The following EPHB2 variants were observed in gnomAD, a reference collection of about 807,000 sequenced individuals.
EPHB2 encodes the protein ephrin type-B receptor 2.
Under a neutral mutation model 96.4 loss-of-function variants are expected in EPHB2, and 18 were observed. That is an observed-to-expected ratio of 0.19 (90% confidence interval 0.13 to 0.28). EPHB2 has a LOEUF of 0.28. EPHB2 is among the 10% of genes least tolerant of loss of function. EPHB2 has a pLI of 1.00. For missense variants in EPHB2, 989 were observed against 1,355.4 expected (o/e 0.73, Z 4.25); for synonymous variants, 506 against 534.1 (o/e 0.95, Z 0.72).
chr1:22,733,886 AT>A lies in EPHB2; in HGVS notation c.61+22846del, dbSNP rs1234164821. 6.6e-6 allele frequency among the ~76,000 whole-genome samples: 1 copy of A among 151,866 alleles called. No individual in the cohort carries two copies. Among genetic ancestry groups the A allele is most frequent in the Non-Finnish European group, 1.5e-5 (1 of 67,978 alleles). On this transcript the variant is annotated intron_variant, in intron 1 of 15. Coordinates refer to ENST00000374630, the MANE Select transcript of EPHB2 (RefSeq NM_017449.5). This position sits in a 1 kb window ranked among gnomAD's most constrained non-coding sequence, Gnocchi z 4.6. ...GGGACTGGATTCTTGACCTGGTATG[AT>A]TTGGTGGGGACGGAGCTAGAAGTTG...
intron 11 of EPHB2, 53 bp downstream of exon 11, chr1:22,907,010 G>C: frequency 6.4e-7 from 1 of 1,554,642 alleles, no homozygotes; most frequent in Non-Finnish European, 8.7e-7. Flanking sequence ...GAAAAGGAAC[G>C]ATGGACATAG....
intron 1 of EPHB2, among the ~76,000 whole-genome samples, chr1:22,771,699 GTT>G (rs1423077324): frequency 6.6e-6 from 1 of 152,206 alleles, no homozygotes; most frequent in African/African-American, 2.4e-5. Flanking sequence ...GGCAGGCATT[GTT>G]CCATGCACAC....
intron 3 of EPHB2, among the ~76,000 whole-genome samples, chr1:22,844,942 C>T (rs886886585): frequency 1.9e-4 from 29 of 152,008 alleles, no homozygotes; most frequent in African/African-American, 6.8e-4. Context: ...CCTGGCTCTG[C>T]CCACACCCGG....
chr1:22,841,167 C>T (rs984884258), intron 3 of EPHB2, among the ~76,000 whole-genome samples: 49 of 152,194 alleles, frequency 3.2e-4, no homozygotes, highest in Non-Finnish European at 5.6e-4. Flanking sequence ...AGCAGTGTGA[C>T]GGGCTCTAAT....
intron 5 of EPHB2, among the ~76,000 whole-genome samples, chr1:22,870,788 A>G (rs762925234): frequency 2.0e-5 from 3 of 152,190 alleles, no homozygotes; most frequent in Non-Finnish European, 4.4e-5. Flanking sequence ...TGTGCTTTGG[A>G]ATCAGGCAGC....
chr1:22,878,180 A>C (rs550985191), intron 5 of EPHB2, among the ~76,000 whole-genome samples: 5 of 152,308 alleles, frequency 3.3e-5, no homozygotes, highest in African/African-American at 1.2e-4. Context: ...AGGTGTGAAC[A>C]GAGCAGCCCC....
At chr1:22,873,583 G>T (rs879387623) in intron 5 of EPHB2, among the ~76,000 whole-genome samples, 1 of 150,314 alleles carries the variant, frequency 6.7e-6, no homozygotes, top group Admixed American at 6.6e-5. Context: ...AATACAACTG[G>T]TCTAACAGCA....
At chr1:22,826,369 C>G (rs892247686) in intron 3 of EPHB2, among the ~76,000 whole-genome samples, 7 of 152,206 alleles carry the variant, frequency 4.6e-5, no homozygotes, top group Non-Finnish European at 1.0e-4. Flanking sequence ...TCTGCAAACC[C>G]CAGAATGGGG....
At chr1:22,818,180 G>A (rs1380166658) in intron 3 of EPHB2, among the ~76,000 whole-genome samples, 1 of 152,016 alleles carries the variant, frequency 6.6e-6, no homozygotes, top group Non-Finnish European at 1.5e-5. Context: ...TCAGGTCCTT[G>A]TGCTCGATCC....
chr1:22,791,959 C>T (rs1284421308), intron 3 of EPHB2, among the ~76,000 whole-genome samples: 1 of 152,178 alleles, frequency 6.6e-6, no homozygotes, highest in African/African-American at 2.4e-5. Flanking sequence ...AGTTACCCTC[C>T]AAGCAGCTGC....
At chr1:22,806,646 C>T (rs1644931381) in intron 3 of EPHB2, among the ~76,000 whole-genome samples, 1 of 152,256 alleles carries the variant, frequency 6.6e-6, no homozygotes, top group African/African-American at 2.4e-5. Flanking sequence ...CCCACCCCCG[C>T]CAGGCAGGTG....
chr1:22,816,617 C>T (rs1371505882), intron 3 of EPHB2, among the ~76,000 whole-genome samples: 1 of 152,186 alleles, frequency 6.6e-6, no homozygotes, highest in Non-Finnish European at 1.5e-5. Context: ...CCTCCAGCCT[C>T]CACCCTGTCT....
intron 1 of EPHB2, among the ~76,000 whole-genome samples, chr1:22,743,195 A>G (rs555393954): frequency 6.6e-6 from 1 of 152,212 alleles, no homozygotes; most frequent in South Asian, 2.1e-4. Context: ...CCTGGCCTAA[A>G]CAAGCCTTTT....
intron 3 of EPHB2, among the ~76,000 whole-genome samples, chr1:22,813,494 G>T (rs1570324620): frequency 6.6e-6 from 1 of 152,232 alleles, no homozygotes; most frequent in Non-Finnish European, 1.5e-5. Context: ...AGCACAAAGG[G>T]CCTGTGCCAC....
At chr1:22,881,098 AC>A (rs1196528862) in intron 5 of EPHB2, among the ~76,000 whole-genome samples, 1 of 151,204 alleles carries the variant, frequency 6.6e-6, no homozygotes, top group Non-Finnish European at 1.5e-5. Flanking sequence ...ACATGGCGAA[AC>A]CCCGCCTCTA....
chr1:22,787,398 C>A (rs1644627597), intron 3 of EPHB2, among the ~76,000 whole-genome samples: 1 of 152,180 alleles, frequency 6.6e-6, no homozygotes, highest in African/African-American at 2.4e-5. Flanking sequence ...GTAGGAAGAA[C>A]TGTGACAGGC....
At chr1:22,885,397 T>C (rs1377189824) in intron 6 of EPHB2, among the ~76,000 whole-genome samples, 1 of 152,250 alleles carries the variant, frequency 6.6e-6, no homozygotes, top group East Asian at 1.9e-4. Flanking sequence ...GAGGCAGCTC[T>C]GCCCTACTTT....
Position 22,882,357 on chromosome 1 carries a change from A to C in EPHB2, c.1304-2A>C. 1 of 1,613,830 alleles carries C rather than the reference A, an allele frequency of 6.2e-7. No individual in the cohort carries two copies. Among genetic ancestry groups the C allele is most frequent in the East Asian group, 2.2e-5 (1 of 44,872 alleles). ...ATCCCTGACCTCTGGCCTCTCTTCC[A>C]GCTCCATCGGCAGTGTCCATCATGC... On this transcript the variant is annotated splice_acceptor_variant, in intron 5 of 15. Transcript: ENST00000374630. LOFTEE classifies it high-confidence loss of function.
intron 1 of EPHB2, among the ~76,000 whole-genome samples, chr1:22,778,363 C>T (rs966456032): frequency 1.3e-5 from 2 of 152,214 alleles, no homozygotes; most frequent in African/African-American, 4.8e-5. Flanking sequence ...AGGGACAGAA[C>T]TGGTGTTAGA....
Sources: allele counts gnomAD v4.1 joint callset (sites outside exome capture counted in the v4.1 genomes callset), GRCh38; gene constraint gnomAD v4.1.1; non-coding constraint Gnocchi (gnomAD v3.1); transcripts MANE v1.5; gene names NCBI Gene and HGNC (gene_info 2026-07-23, HGNC 2026-07-21).